The following AK2 variants were observed in gnomAD, a reference collection of about 807,000 sequenced individuals.
AK2 encodes adenylate kinase 2.
In AK2, 15 loss-of-function variants were observed where a neutral mutation model predicts 24.6. That is an observed-to-expected ratio of 0.61 (90% CI 0.41 to 0.94). The LOEUF (loss-of-function observed/expected upper bound fraction) is 0.94. AK2 is among the 40% of genes least tolerant of loss of function. The pLI, the probability that AK2 is intolerant of heterozygous loss-of-function variation, is 0.00. For synonymous variants in AK2, 102 were observed against 114.0 expected (o/e 0.90, Z 0.67); for missense variants, 257 against 304.1 (o/e 0.85, Z 1.15).
At chr1:33,025,168 G>A (rs1435840842) in intron 1 of AK2, among the ~76,000 whole-genome samples, 1 of 134,584 alleles carries the variant, frequency 7.4e-6, no homozygotes, top group African/African-American at 2.6e-5. Flanking sequence ...TCCAGCCTGG[G>A]TGACAGTGAG....
In AK2 at chr1:33,021,718, C is replaced by A. The variant is rs756652410; in HGVS notation, c.220-15G>T. On this transcript the variant is annotated splice_polypyrimidine_tract_variant and intron_variant, in intron 2 of 5. Coordinates refer to ENST00000672715, the MANE Select transcript of AK2 (RefSeq NM_001625.4). The stretch of plus-strand genomic sequence containing the variant: ...TCATCACTCACCTGGAAGTTAGGAA[C>A]AAAATAGCCTTGGGTTTAAATCCAT... The A allele has an allele frequency of 1.3e-6, 2 of 1,594,408 alleles. No individual in the cohort carries two copies. The highest frequency in any genetic ancestry group is 1.1e-5 in the South Asian group (1 of 90,710).
chr1:33,024,312 A>G, intron 2 of AK2, 130 bp downstream of exon 2: 1 of 1,258,700 alleles, frequency 7.9e-7, no homozygotes, highest in Non-Finnish European at 1.1e-6. Context: ...TGGCTAGTGC[A>G]ACTGAGGAAC....
In AK2 at chr1:33,021,612, G is replaced by C; in HGVS notation, c.311C>G (p.Thr104Ser). ...ACCCACCATTTCTGCCTGCCTCACA[G>C]TCCGAGGGAAGCCATCCAGAAGAAA... ...NGFLLDGFPR[T>S]VRQAEMLDDL... Residue 104 changes from threonine to serine, a missense_variant, in exon 3 of 6, where the codon ACT becomes AGT. By Grantham distance (58) the Thr-to-Ser change is moderately conservative. Coordinates refer to ENST00000672715, the MANE Select transcript of AK2 (RefSeq NM_001625.4). 1 of 1,614,098 alleles carries C rather than the reference G, an allele frequency of 6.2e-7. No homozygotes were observed. The highest frequency in any genetic ancestry group is 8.5e-7 in the Non-Finnish European group (1 of 1,179,952).
rs1638597551 is a variant in AK2, at chr1:33,008,286, A to G, written c.*4895T>C. 2.2e-6 allele frequency: 1 copy of G among 453,914 alleles called. No homozygotes were observed. The highest frequency in any genetic ancestry group is 4.4e-6 in the Non-Finnish European group (1 of 226,754). 28.1% of individuals were successfully genotyped at this position (453,914 alleles called of 1,614,324 possible). On this transcript the variant is annotated 3_prime_UTR_variant, in exon 6 of 6. Coordinates refer to ENST00000672715, the MANE Select transcript of AK2 (RefSeq NM_001625.4). ...ACTGATGAGGTGAGATAACTTGTCC[A>G]AGGTCGCATGGTGAAGTCGCTGTTG...
intron 4 of AK2, chr1:33,019,982 C>A (rs959033462): frequency 1.0e-5 from 15 of 1,450,776 alleles, no homozygotes; most frequent in African/African-American, 2.9e-5. Context: ...AAAGCTACAG[C>A]CCACAATAAA....
In AK2 at chr1:33,010,231, G is replaced by A. The variant is rs923151095; in HGVS notation, c.*2950C>T. 3 of 454,360 alleles carry A rather than the reference G, an allele frequency of 6.6e-6. No homozygotes were observed. Among genetic ancestry groups the A allele is most frequent in the African/African-American group, 6.0e-5 (3 of 50,050 alleles). 28.1% of individuals were successfully genotyped at this position (454,360 alleles called of 1,614,324 possible). A position where few individuals can be genotyped will look rare whatever the true frequency, so the allele number is the denominator to read the frequency against. On this transcript the variant is annotated 3_prime_UTR_variant, in exon 6 of 6. Transcript: ENST00000672715. ...AAATTAGTGGTAAGTCAGGGGAAGG[G>A]AATCAGCCTCCCTTTCCATTTCATT...
Position 33,012,748 on chromosome 1 carries a change from T to A in AK2, c.*433A>T. ...CCTGTCTCTACAAAAAATACAAATA[T>A]CAGCCAGGTGTTGTGGCATGCACCT... is the stretch of plus-strand genomic sequence containing the variant. On this transcript the variant is annotated 3_prime_UTR_variant, in exon 6 of 6. Transcript: ENST00000672715. The A allele has an allele frequency of 1.0e-6, 1 of 977,002 alleles. No individual in the cohort carries two copies. Among genetic ancestry groups the A allele is most frequent in the Non-Finnish European group, 1.4e-6 (1 of 706,126 alleles). 60.5% of individuals were successfully genotyped at this position (977,002 alleles called of 1,614,324 possible).
At position 33,012,561 on chromosome 1, in the gene AK2, T is replaced by C. The variant is rs1264132044; in HGVS notation, c.*620A>G. 2 of 1,304,802 alleles carry C rather than the reference T, an allele frequency of 1.5e-6. No individual in the cohort carries two copies. Among genetic ancestry groups the C allele is most frequent in the East Asian group, 5.3e-5 (1 of 18,992 alleles). 80.8% of individuals were successfully genotyped at this position (1,304,802 alleles called of 1,614,324 possible). A position where few individuals can be genotyped will look rare whatever the true frequency, so the allele number is the denominator to read the frequency against. Reference sequence around the variant, plus strand: ...GTCCCTGGAAGATTACCTGGGTTAGTTCATTTTGGTCAAAAAATAAAATCA... The same window carrying C: ...GTCCCTGGAAGATTACCTGGGTTAGCTCATTTTGGTCAAAAAATAAAATCA... On this transcript the variant is annotated 3_prime_UTR_variant, in exon 6 of 6. Transcript: ENST00000672715.
intron 4 of AK2, among the ~76,000 whole-genome samples, chr1:33,015,734 T>C (rs1639144259): frequency 1.3e-5 from 2 of 151,802 alleles, no homozygotes; most frequent in African/African-American, 4.8e-5. Flanking sequence ...CTACTAAAAA[T>C]ATGAAAAATT....
intron 2 of AK2, among the ~76,000 whole-genome samples, chr1:33,023,618 G>A (rs903163937): frequency 6.6e-6 from 1 of 151,992 alleles, no homozygotes; most frequent in Admixed American, 6.6e-5. Flanking sequence ...AGATAAGAAG[G>A]ATTACCTTTG....
At chr1:33,019,616 A>G in intron 4 of AK2, 1 of 987,228 alleles carries the variant, frequency 1.0e-6, no homozygotes, top group Non-Finnish European at 1.2e-6. Flanking sequence ...TTTCCAGGAT[A>G]ATAGTGCTAA....
intron 1 of AK2, among the ~76,000 whole-genome samples, chr1:33,034,101 T>A (rs1028286353): frequency 6.6e-6 from 1 of 152,070 alleles, no homozygotes; most frequent in Non-Finnish European, 1.5e-5. Context: ...AACTTTTTTT[T>A]AAACTCCACA....
chr1:33,021,402 G>A lies in AK2; in HGVS notation c.390C>T (p.Ile130=), dbSNP rs1639543848. ...TTCTTCGGATCAGCAGAGAGTCTGG[G>A]ATGCTGAATTCAATCACAGAATCAA... The part of the protein sequence containing the change: ...EKLDSVIEFS[I]PDSLLIRRIT... The change falls in exon 4 of 6, where the codon ATC becomes ATT. Residue 130 remains isoleucine, a synonymous_variant. Coordinates refer to ENST00000672715, the MANE Select transcript of AK2 (RefSeq NM_001625.4). 1.2e-6 allele frequency: 2 copies of A among 1,614,030 alleles called. No homozygotes were observed. Among genetic ancestry groups the A allele is most frequent in the South Asian group, 1.1e-5 (1 of 91,072 alleles).
rs1440321182 is a variant in AK2 at position 33,010,871 on chromosome 1, T to C, written c.*2310A>G. 6.2e-7 allele frequency: 1 copy of C among 1,613,822 alleles called. No homozygotes were observed. Among genetic ancestry groups the C allele is most frequent in the African/African-American group, 1.3e-5 (1 of 74,956 alleles). On this transcript the variant is annotated 3_prime_UTR_variant, in exon 6 of 6. Coordinates refer to ENST00000672715, the MANE Select transcript of AK2 (RefSeq NM_001625.4). ...GGAAACAAGAGAGAACAAAATGGGT[T>C]TTTAAAAACCAAGTACATATCAGAG...
intron 2 of AK2, among the ~76,000 whole-genome samples, chr1:33,022,294 T>A: frequency 6.6e-6 from 1 of 151,470 alleles, no homozygotes; most frequent in East Asian, 1.9e-4. Flanking sequence ...TTCACTGAAT[T>A]GGCAAGATTG....
intron 1 of AK2, among the ~76,000 whole-genome samples, chr1:33,025,798 T>C (rs1488480157): frequency 2.0e-5 from 3 of 152,228 alleles, no homozygotes; most frequent in African/African-American, 7.2e-5. Flanking sequence ...ATTCAGTATA[T>C]GCAGGCCCTG....
chr1:33,026,258 G>A (rs1162815287), intron 1 of AK2, among the ~76,000 whole-genome samples: 1 of 152,062 alleles, frequency 6.6e-6, no homozygotes, highest in Non-Finnish European at 1.5e-5. Flanking sequence ...GAGTGCAGTG[G>A]CACGATCACG....
At chr1:33,034,252 ACT>A (rs1308149303) in intron 1 of AK2, among the ~76,000 whole-genome samples, 2 of 152,010 alleles carry the variant, frequency 1.3e-5, no homozygotes, top group African/African-American at 4.8e-5. Flanking sequence ...TCTCTGACCA[ACT>A]CTCATCTTCA....
chr1:33,027,066 C>T (rs561025541), intron 1 of AK2, among the ~76,000 whole-genome samples: 2 of 152,158 alleles, frequency 1.3e-5, no homozygotes, highest in South Asian at 2.1e-4. Flanking sequence ...GTGGAAGTTG[C>T]GGCGAGCCGA....
Sources: allele counts gnomAD v4.1 joint callset (sites outside exome capture counted in the v4.1 genomes callset), GRCh38; gene constraint gnomAD v4.1.1; transcripts MANE v1.5; gene names NCBI Gene and HGNC (gene_info 2026-07-23, HGNC 2026-07-21).